The following CNTN6 variants were observed in gnomAD, a reference collection of about 807,000 sequenced individuals.
The protein encoded by CNTN6 is contactin-6.
In CNTN6, 137 loss-of-function variants were observed where a neutral mutation model predicts 122.8. That is an observed-to-expected ratio of 1.12 (90% CI 0.97 to 1.29). CNTN6 has a LOEUF of 1.29. Among genes scored for constraint, CNTN6 ranks in the 50% most tolerant of loss-of-function variants. The pLI is 0.00. For missense variants in CNTN6, 1,634 were observed against 1,223.4 expected (o/e 1.34, Z -5.01); for synonymous variants, 570 against 426.0 (o/e 1.34, Z -4.16).
chr3:1,365,846 C>G (rs922915965), intron 12 of CNTN6, among the ~76,000 whole-genome samples: 6 of 152,054 alleles, frequency 3.9e-5, no homozygotes, highest in Non-Finnish European at 7.4e-5. Context: ...CTCCATCTTT[C>G]TTTCTTGAAG....
chr3:1,143,830 T>A (rs1041420375), intron 1 of CNTN6, among the ~76,000 whole-genome samples: 1 of 152,162 alleles, frequency 6.6e-6, no homozygotes, highest in Non-Finnish European at 1.5e-5. Flanking sequence ...TGCTATGAAA[T>A]TATACACTGG....
At chr3:1,129,557 G>A in intron 1 of CNTN6, among the ~76,000 whole-genome samples, 1 of 152,026 alleles carries the variant, frequency 6.6e-6, no homozygotes, top group East Asian at 1.9e-4. Context: ...TTCGTAAAAT[G>A]TGAATAATAA....
At chr3:1,337,071 T>A (rs1703180601) in intron 11 of CNTN6, among the ~76,000 whole-genome samples, 1 of 152,162 alleles carries the variant, frequency 6.6e-6, no homozygotes, top group African/African-American at 2.4e-5. Context: ...TGGGAAGACC[T>A]GTTTGAAAGC....
intron 20 of CNTN6, among the ~76,000 whole-genome samples, chr3:1,395,166 A>G (rs1198968780): frequency 6.6e-6 from 1 of 152,214 alleles, no homozygotes; most frequent in Non-Finnish European, 1.5e-5. Flanking sequence ...TTGCATTTAA[A>G]TACCTATCCA....
At chr3:1,149,887 A>T (rs1269529610) in intron 2 of CNTN6, among the ~76,000 whole-genome samples, 1 of 152,184 alleles carries the variant, frequency 6.6e-6, no homozygotes, top group Non-Finnish European at 1.5e-5. Flanking sequence ...ATTAAAATGA[A>T]TTATTAGTCT....
At chr3:1,201,095 C>T (rs1270145819) in intron 2 of CNTN6, among the ~76,000 whole-genome samples, 3 of 123,994 alleles carry the variant, frequency 2.4e-5, no homozygotes, top group African/African-American at 9.4e-5. Flanking sequence ...GCCCAGCTAA[C>T]ATTTTGTGTG....
intron 1 of CNTN6, among the ~76,000 whole-genome samples, chr3:1,096,873 G>C (rs2090553824): frequency 6.6e-6 from 1 of 152,010 alleles, no homozygotes; most frequent in Admixed American, 6.6e-5. Context: ...GAAGACGGAG[G>C]GTTTTTGCTT....
At chr3:1,102,732 A>C (rs1256625255) in intron 1 of CNTN6, among the ~76,000 whole-genome samples, 1 of 149,708 alleles carries the variant, frequency 6.7e-6, no homozygotes, top group Non-Finnish European at 1.5e-5. Flanking sequence ...CGTCTCAAAA[A>C]ATAAATAAAT....
In CNTN6 at chr3:1,244,169, G is replaced by A. The variant is rs150705912; in HGVS notation, c.358+16176G>A. Among the ~76,000 whole-genome samples the A allele has an allele frequency of 3.0e-3, 461 of 152,256 alleles. 1 individual carries two copies. Among genetic ancestry groups the A allele is most frequent in the African/African-American group, 0.01 (434 of 41,552 alleles). On this transcript the variant is annotated intron_variant, in intron 4 of 22. Transcript: ENST00000446702. ...AGAAAATAAGGTGTTTAGGTTTTAG[G>A]TCAGGTGTGTGTTGAAGAGGTTTTA... is the stretch of plus-strand genomic sequence containing the variant.
At chr3:1,274,701 T>A (rs1276649682) in intron 4 of CNTN6, among the ~76,000 whole-genome samples, 1 of 152,146 alleles carries the variant, frequency 6.6e-6, no homozygotes, top group Non-Finnish European at 1.5e-5. Context: ...TTACTGGAAC[T>A]AGCATGTGAT....
intron 2 of CNTN6, among the ~76,000 whole-genome samples, chr3:1,163,893 A>G (rs77227473): frequency 1.0e-3 from 158 of 152,336 alleles, no homozygotes; most frequent in African/African-American, 3.6e-3. Flanking sequence ...ATTCATCTCA[A>G]TTTAAACTAC....
At chr3:1,377,461 C>G (rs1304265000) in intron 17 of CNTN6, among the ~76,000 whole-genome samples, 1 of 152,114 alleles carries the variant, frequency 6.6e-6, no homozygotes, top group Non-Finnish European at 1.5e-5. Context: ...CCCTGCTGTT[C>G]ACCTCTGATC....
chr3:1,158,809 T>TAC (rs2093039651), intron 2 of CNTN6, among the ~76,000 whole-genome samples: 3 of 109,618 alleles, frequency 2.7e-5, no homozygotes, highest in African/African-American at 8.0e-5. Context: ...TATACACACA[T>TAC]ATATATACAC....
In CNTN6 at chr3:1,387,068, T is replaced by C. The variant is rs141041445; in HGVS notation, c.2704+1271T>C. ...TACATCATTGACTCACAACTTGAAATAGGACAAGGCATTCCATTTTTTTGC... is the reference window on the plus strand; with the variant it reads ...TACATCATTGACTCACAACTTGAAACAGGACAAGGCATTCCATTTTTTTGC... On this transcript the variant is annotated intron_variant, in intron 20 of 22. Coordinates refer to ENST00000446702, the MANE Select transcript of CNTN6 (RefSeq NM_001289080.2). 5.2e-3 allele frequency among the ~76,000 whole-genome samples: 799 copies of C among 152,320 alleles called. 6 individuals are homozygous for C. Among genetic ancestry groups the C allele is most frequent in the African/African-American group, 0.018 (762 of 41,576 alleles).
intron 18 of CNTN6, 25 bp downstream of exon 18, chr3:1,383,201 T>C (rs1575984042): frequency 1.9e-6 from 3 of 1,600,458 alleles, no homozygotes; most frequent in Non-Finnish European, 2.6e-6. Flanking sequence ...ACTCTGGTTT[T>C]CTTTGAGACT....
chr3:1,329,932 A>G lies in CNTN6; in HGVS notation c.1361A>G (p.Lys454Arg). 6.5e-7 allele frequency: 1 copy of G among 1,542,012 alleles called. No homozygotes were observed. The highest frequency in any genetic ancestry group is 8.7e-7 in the Non-Finnish European group (1 of 1,151,506). The change falls in exon 11 of 23, where the codon AAA (lysine) becomes AGA (arginine). Residue 454 changes from lysine to arginine, a missense_variant. Physicochemically the swap from Lys to Arg is conservative, Grantham distance 26 (BLOSUM62 2). Transcript: ENST00000446702. ...KRGTETLRQS[K>R]RIFLLEDGSL... ...GGAACGGAGACCCTTAGACAAAGCA[A>G]AAGGTAAACAAATCTTTATTTTTAA...
At chr3:1,389,304 G>A (rs1184512754) in intron 20 of CNTN6, among the ~76,000 whole-genome samples, 16 of 152,040 alleles carry the variant, frequency 1.1e-4, no homozygotes, top group Non-Finnish European at 7.4e-5. Flanking sequence ...TTCATATCCA[G>A]CCAAACTAAG....
intron 4 of CNTN6, among the ~76,000 whole-genome samples, chr3:1,266,709 A>G (rs1024760773): frequency 1.3e-5 from 2 of 152,176 alleles, no homozygotes; most frequent in African/African-American, 4.8e-5. Flanking sequence ...ACTCTTTCCA[A>G]GTGACCTCGG....
At chr3:1,281,627 C>CCCAG (rs1389434733) in intron 5 of CNTN6, among the ~76,000 whole-genome samples, 6 of 151,966 alleles carry the variant, frequency 3.9e-5, no homozygotes, top group Non-Finnish European at 5.9e-5. Flanking sequence ...ACCATGAACA[C>CCCAG]CTAATTTTTG....
Sources: gnomAD v4.1 joint callset for allele counts (sites outside exome capture counted in the v4.1 genomes callset) on GRCh38, gnomAD v4.1.1 for gene constraint, MANE v1.5 for transcripts, NCBI Gene and HGNC (gene_info 2026-07-23, HGNC 2026-07-21) for gene names.